The following FAF1 variants were observed in gnomAD, a reference collection of about 807,000 sequenced individuals.
FAF1 encodes FAS-associated factor 1.
A neutral mutation model predicts 92.5 loss-of-function variants in FAF1; 25 were observed. The observed-to-expected ratio is 0.27, with a 90% CI of 0.20 to 0.38. The LOEUF (loss-of-function observed/expected upper bound fraction) is 0.38, where lower values mean the gene tolerates loss of function less well. Ranked by LOEUF, FAF1 falls within the 10% of genes least tolerant of loss-of-function variation. The pLI, the probability that FAF1 is intolerant of heterozygous loss-of-function variation, is 1.00. For missense variants in FAF1, 636 were observed against 793.3 expected (o/e 0.80, Z 2.38); for synonymous variants, 234 against 273.2 (o/e 0.86, Z 1.42).
At position 50,593,140 on chromosome 1, in the gene FAF1, T is replaced by C. The variant is rs115013662; in HGVS notation, c.840+2981A>G. ...GGGCAAAACTCCTAATAATAAGATA[T>C]TATTATTCAGTAATAATAAGATATT... is the stretch of plus-strand genomic sequence containing the variant. On this transcript the variant is annotated intron_variant, in intron 9 of 18. Coordinates refer to ENST00000396153, the MANE Select transcript of FAF1 (RefSeq NM_007051.3). 3.5e-3 allele frequency among the ~76,000 whole-genome samples: 529 copies of C among 152,258 alleles called. 4 individuals are homozygous for C. Among genetic ancestry groups the C allele is most frequent in the African/African-American group, 0.012 (486 of 41,540 alleles).
At chr1:50,804,732 T>A (rs1662125382) in intron 2 of FAF1, among the ~76,000 whole-genome samples, 1 of 152,112 alleles carries the variant, frequency 6.6e-6, no homozygotes, top group African/African-American at 2.4e-5. Context: ...TTTTTTTCCC[T>A]CCATAAGAAT....
chr1:50,747,875 C>A (rs1659691063), intron 4 of FAF1, among the ~76,000 whole-genome samples: 1 of 152,108 alleles, frequency 6.6e-6, no homozygotes, highest in South Asian at 2.1e-4. Context: ...CACCTCCCCT[C>A]TCTCTCTTCC....
At chr1:50,903,501 G>T (rs1168175092) in intron 1 of FAF1, among the ~76,000 whole-genome samples, 1 of 152,070 alleles carries the variant, frequency 6.6e-6, no homozygotes, top group Non-Finnish European at 1.5e-5. Context: ...GGAATTAAAT[G>T]ATGTATCTTT....
chr1:50,814,421 T>C (rs77616477), intron 2 of FAF1, among the ~76,000 whole-genome samples: 3,039 of 152,234 alleles, frequency 0.02, 99 homozygotes, highest in African/African-American at 0.07. Context: ...GGATATATCA[T>C]ATTGTGTGGG....
chr1:50,729,283 G>C (rs1030172070), intron 6 of FAF1, among the ~76,000 whole-genome samples: 1 of 150,880 alleles, frequency 6.6e-6, no homozygotes, highest in African/African-American at 2.4e-5. Context: ...TCAAACTCCC[G>C]ACCTCAGGTG....
chr1:50,516,127 C>T (rs1055026016), intron 15 of FAF1, among the ~76,000 whole-genome samples: 6 of 152,166 alleles, frequency 3.9e-5, no homozygotes, highest in Admixed American at 2.0e-4. Flanking sequence ...CAAGATTATA[C>T]AGCTGCTAGG....
intron 6 of FAF1, among the ~76,000 whole-genome samples, chr1:50,728,102 CCTGA>C (rs935692726): frequency 6.6e-6 from 1 of 151,982 alleles, no homozygotes; most frequent in South Asian, 2.1e-4. Flanking sequence ...CCTATAGAAC[CCTGA>C]CTAATACAAT....
intron 3 of FAF1, among the ~76,000 whole-genome samples, chr1:50,799,290 TATGTAAA>T (rs1661884220): frequency 6.6e-6 from 1 of 152,232 alleles, no homozygotes; most frequent in South Asian, 2.1e-4. Context: ...AATTTCCTCA[TATGTAAA>T]ATGTAAACAT....
chr1:50,918,438 C>T (rs1387916194), intron 1 of FAF1, among the ~76,000 whole-genome samples: 3 of 75,252 alleles, frequency 4.0e-5, no homozygotes, highest in East Asian at 3.7e-4. Context: ...TGAGAATATG[C>T]GGTGTTTGGT....
At chr1:50,908,642 CTT>C (rs1644859136) in intron 1 of FAF1, among the ~76,000 whole-genome samples, 1 of 151,976 alleles carries the variant, frequency 6.6e-6, no homozygotes, top group African/African-American at 2.4e-5. Context: ...TTCTTTGTCT[CTT>C]TTGATCTTTG....
chr1:50,506,722 A>C (rs1647063440), intron 15 of FAF1, among the ~76,000 whole-genome samples: 1 of 152,158 alleles, frequency 6.6e-6, no homozygotes, highest in Non-Finnish European at 1.5e-5. Context: ...TACCCTTCTA[A>C]TTATTTTACA....
intron 1 of FAF1, among the ~76,000 whole-genome samples, chr1:50,951,084 G>A (rs1050732815): frequency 2.6e-5 from 4 of 152,132 alleles, no homozygotes; most frequent in African/African-American, 7.2e-5. Context: ...TATTTAAAAA[G>A]TTAGCTGGAT....
intron 7 of FAF1, among the ~76,000 whole-genome samples, chr1:50,657,271 T>C (rs1655158361): frequency 6.6e-6 from 1 of 152,090 alleles, no homozygotes; most frequent in South Asian, 2.1e-4. Flanking sequence ...TTTTAGTTTT[T>C]ATTCACAAAT....
At position 50,710,989 on chromosome 1, in the gene FAF1, G is replaced by A. The variant is rs539088106; in HGVS notation, c.552-5098C>T. The stretch of plus-strand genomic sequence containing the variant: ...CAGTGGCGCAATCTCGGCTCATTGC[G>A]ACCTCAACCTCCCAGGTTCAAGCAG... On this transcript the variant is annotated intron_variant, in intron 6 of 18. Transcript: ENST00000396153. Among the ~76,000 whole-genome samples the A allele has an allele frequency of 8.7e-5, 13 of 148,836 alleles. No homozygotes were observed. The East Asian group carries it at 1.0e-3, about 11-fold the overall frequency.
intron 7 of FAF1, among the ~76,000 whole-genome samples, chr1:50,688,153 A>G (rs913756928): frequency 1.3e-5 from 2 of 151,778 alleles, no homozygotes; most frequent in Non-Finnish European, 2.9e-5. Flanking sequence ...ATAAATAAAT[A>G]AATAAAAATA....
At chr1:50,689,757 T>C (rs958964758) in intron 7 of FAF1, among the ~76,000 whole-genome samples, 7 of 152,196 alleles carry the variant, frequency 4.6e-5, no homozygotes, top group African/African-American at 1.4e-4. Context: ...TCAGTCTTAA[T>C]GAATAAAATA....
At chr1:50,831,469 T>A (rs2124632328) in intron 2 of FAF1, among the ~76,000 whole-genome samples, 1 of 152,212 alleles carries the variant, frequency 6.6e-6, no homozygotes, top group East Asian at 1.9e-4. Flanking sequence ...TGCCTTCCAG[T>A]GACACTGGGA....
intron 18 of FAF1, among the ~76,000 whole-genome samples, chr1:50,456,732 C>T (rs368484521): frequency 1.3e-5 from 2 of 152,138 alleles, no homozygotes; most frequent in East Asian, 3.9e-4. Flanking sequence ...CAGGAGTATA[C>T]AGTCTAGGGC....
At chr1:50,768,143 C>T (rs551868315) in intron 4 of FAF1, among the ~76,000 whole-genome samples, 1 of 152,178 alleles carries the variant, frequency 6.6e-6, no homozygotes, top group African/African-American at 2.4e-5. Context: ...ACAGGGGTTG[C>T]TATTCTAACT....
Sources: allele counts gnomAD v4.1 joint callset (sites outside exome capture counted in the v4.1 genomes callset), GRCh38; gene constraint gnomAD v4.1.1; transcripts MANE v1.5; gene names NCBI Gene and HGNC (gene_info 2026-07-23, HGNC 2026-07-21).